The following CTCF variants were observed in gnomAD, a reference collection of about 807,000 sequenced individuals.
The protein encoded by CTCF is transcriptional repressor CTCF.
CTCF carries 7 observed loss-of-function variants against 72.3 expected under a neutral mutation model. That is an observed-to-expected ratio of 0.10 (90% CI 0.06 to 0.18). The LOEUF is 0.18. CTCF is among the 10% of genes least tolerant of loss of function. The pLI is 1.00. For missense variants in CTCF, 516 were observed against 949.1 expected, an observed-to-expected ratio of 0.54 and a Z score of 6.00; for synonymous variants, 374 against 315.8, an observed-to-expected ratio of 1.18 and a Z score of -1.95.
chr16:67,595,836 T>C (rs2051805596), intron 2 of CTCF, among the ~76,000 whole-genome samples: 1 of 152,190 alleles, frequency 6.6e-6, no homozygotes, highest in South Asian at 2.1e-4. Flanking sequence ...TATTATGTAT[T>C]AAAGCACTAT....
chr16:67,601,217 G>GGTGT (rs59655549), intron 2 of CTCF, among the ~76,000 whole-genome samples: 2,552 of 128,366 alleles, frequency 0.02, 96 homozygotes, highest in African/African-American at 0.059. Context: ...TGCACTAAGG[G>GGTGT]GTGTGTGTGT....
chr16:67,607,668 T>C (rs373599939), intron 2 of CTCF, among the ~76,000 whole-genome samples: 1 of 152,116 alleles, frequency 6.6e-6, no homozygotes, highest in African/African-American at 2.4e-5. Flanking sequence ...CTTTCTATTA[T>C]ATATTCAATT....
intron 2 of CTCF, among the ~76,000 whole-genome samples, chr16:67,572,039 T>TA (rs1298065786): frequency 6.6e-6 from 1 of 152,148 alleles, no homozygotes; most frequent in Non-Finnish European, 1.5e-5. Context: ...CGTACATGTG[T>TA]AATGGCAAAA....
At chr16:67,581,639 G>T (rs575712311) in intron 2 of CTCF, among the ~76,000 whole-genome samples, 1 of 152,058 alleles carries the variant, frequency 6.6e-6, no homozygotes, top group Non-Finnish European at 1.5e-5. Flanking sequence ...GAGTAGATGG[G>T]ATTACAGTCG....
intron 1 of CTCF, among the ~76,000 whole-genome samples, chr16:67,570,285 T>G (rs116714265): frequency 0.014 from 2,113 of 151,814 alleles, 54 homozygotes; most frequent in African/African-American, 0.049. Context: ...GTCTCACGTG[T>G]TAGCCAGGAT....
At chr16:67,616,667 G>T in intron 4 of CTCF, 78 bp from the exon 5 acceptor site, 2 of 1,534,708 alleles carry the variant, frequency 1.3e-6, no homozygotes, top group South Asian at 1.1e-5. Context: ...TCTCATAGCA[G>T]TTCTGTGCCA....
intron 2 of CTCF, among the ~76,000 whole-genome samples, chr16:67,605,226 G>A (rs551118011): frequency 1.4e-3 from 220 of 152,108 alleles, no homozygotes; most frequent in Non-Finnish European, 2.5e-3. Flanking sequence ...ACCCGCCTTC[G>A]CCTCCCAAAG....
At chr16:67,631,156 T>TTG (rs1365319224) in intron 10 of CTCF, among the ~76,000 whole-genome samples, 22 of 139,614 alleles carry the variant, frequency 1.6e-4, no homozygotes, top group African/African-American at 5.5e-4. Flanking sequence ...CTTTGTTTGT[T>TTG]TTTTTTTTGT....
chr16:67,601,253 TGTTTTG>T (rs1567603830), intron 2 of CTCF, among the ~76,000 whole-genome samples: 15 of 130,074 alleles, frequency 1.2e-4, no homozygotes, highest in South Asian at 5.0e-4. Context: ...TGTGTGTGTG[TGTTTTG>T]TTTTGTTTTT....
chr16:67,601,104 G>A (rs866493861), intron 2 of CTCF, among the ~76,000 whole-genome samples: 22 of 152,068 alleles, frequency 1.4e-4, no homozygotes, highest in Admixed American at 3.3e-4. Context: ...CCAGGGAGTG[G>A]GGAGAATGAC....
chr16:67,607,778 G>T (rs2142812065), intron 2 of CTCF, among the ~76,000 whole-genome samples: 1 of 151,972 alleles, frequency 6.6e-6, no homozygotes, highest in South Asian at 2.1e-4. Flanking sequence ...CCAGCACTTT[G>T]GGAGGCCGAG....
chr16:67,612,938 A>G (rs529570370), intron 4 of CTCF, among the ~76,000 whole-genome samples: 1 of 152,348 alleles, frequency 6.6e-6, no homozygotes, highest in Admixed American at 6.5e-5. Flanking sequence ...ACTCCATCTC[A>G]AAAACAAACC....
rs913152453 is a variant in CTCF, at chr16:67,569,596, C to T, written c.-126-1552C>T. ...TTTAGGGTGAAAAGATGCCATCTAA[C>T]AAAGTATTCCGTTATTCGACTAAAA... On this transcript the variant is annotated intron_variant, in intron 1 of 11. Coordinates refer to ENST00000264010, the MANE Select transcript of CTCF (RefSeq NM_006565.4). Among the ~76,000 whole-genome samples, 7 of 151,960 alleles carry T rather than the reference C, an allele frequency of 4.6e-5. No individual in the cohort carries two copies. The South Asian group carries it at 8.3e-4, about 18-fold the overall frequency.
intron 2 of CTCF, among the ~76,000 whole-genome samples, chr16:67,591,385 C>T (rs1442176826): frequency 6.6e-6 from 1 of 152,186 alleles, no homozygotes; most frequent in Non-Finnish European, 1.5e-5. Flanking sequence ...CTTCCGTTCC[C>T]AGTCACTGTG....
At chr16:67,633,912 G>C (rs1053684467) in intron 10 of CTCF, among the ~76,000 whole-genome samples, 1 of 151,848 alleles carries the variant, frequency 6.6e-6, no homozygotes, top group African/African-American at 2.4e-5. Flanking sequence ...GCTTTATCCT[G>C]GTATAGTAGG....
chr16:67,605,037 A>G (rs1472996713), intron 2 of CTCF, among the ~76,000 whole-genome samples: 3 of 138,078 alleles, frequency 2.2e-5, no homozygotes, highest in Non-Finnish European at 4.5e-5. Context: ...CAGTGGCGCA[A>G]TCTCGGCTCA....
chr16:67,600,713 T>A (rs1032574579), intron 2 of CTCF, among the ~76,000 whole-genome samples: 22 of 152,074 alleles, frequency 1.4e-4, no homozygotes, highest in Non-Finnish European at 3.1e-4. Flanking sequence ...AAGCCATATA[T>A]AGAAGTGTAT....
At chr16:67,629,276 A>G (rs1597727309) in intron 9 of CTCF, 122 bp from the exon 10 acceptor site, 4 of 884,444 alleles carry the variant, frequency 4.5e-6, no homozygotes, top group Non-Finnish European at 6.9e-6. Flanking sequence ...CAGCGTGTTC[A>G]GGACACACTT....
intron 2 of CTCF, among the ~76,000 whole-genome samples, chr16:67,597,222 G>A (rs923761095): frequency 6.6e-6 from 1 of 152,074 alleles, no homozygotes; most frequent in Non-Finnish European, 1.5e-5. Context: ...TTTTAGTATT[G>A]ATGGAGTATC....
Sources: gnomAD v4.1 joint callset for allele counts (sites outside exome capture counted in the v4.1 genomes callset) on GRCh38, gnomAD v4.1.1 for gene constraint, MANE v1.5 for transcripts, NCBI Gene and HGNC (gene_info 2026-07-23, HGNC 2026-07-21) for gene names.